Variants in IL23R observed in about 807,000 individuals in gnomAD.
The protein encoded by IL23R is interleukin 23 receptor.
A neutral mutation model predicts 56.9 loss-of-function variants in IL23R; 34 were observed. The observed-to-expected ratio is 0.60, with a 90% confidence interval of 0.45 to 0.80. The LOEUF is 0.80. IL23R is among the 30% of genes least tolerant of loss of function. The pLI is 0.00. For synonymous variants in IL23R, 230 were observed against 249.2 expected (o/e 0.92, Z 0.73); for missense variants, 635 against 730.0 (o/e 0.87, Z 1.50).
At chr1:67,175,804 A>C (rs1647000746) in intron 3 of IL23R, among the ~76,000 whole-genome samples, 1 of 152,280 alleles carries the variant, frequency 6.6e-6, no homozygotes, top group Non-Finnish European at 1.5e-5. Flanking sequence ...CATTCGCAAG[A>C]GCCAAAGGCA....
intron 10 of IL23R, 69 bp downstream of exon 10, chr1:67,255,996 T>C (rs1652926037): frequency 2.3e-6 from 2 of 867,432 alleles, no homozygotes; most frequent in East Asian, 2.5e-5. Context: ...ATAATTAGAA[T>C]AGAATTTCCA....
intron 3 of IL23R, among the ~76,000 whole-genome samples, chr1:67,172,169 T>C (rs1646952184): frequency 6.6e-6 from 1 of 152,126 alleles, no homozygotes; most frequent in Non-Finnish European, 1.5e-5. Flanking sequence ...AACTTCCTAT[T>C]TAAGTAGGTC....
At chr1:67,253,206 T>G (rs1187582708) in intron 9 of IL23R, among the ~76,000 whole-genome samples, 2 of 152,234 alleles carry the variant, frequency 1.3e-5, no homozygotes, top group African/African-American at 4.8e-5. Flanking sequence ...GTTTTAGCAT[T>G]CAGCCCCAAA....
At chr1:67,202,710 G>GACAGGCC (rs1016759269) in intron 5 of IL23R, among the ~76,000 whole-genome samples, 21 of 152,118 alleles carry the variant, frequency 1.4e-4, no homozygotes, top group African/African-American at 5.1e-4. Context: ...TAGCTGGGAC[G>GACAGGCC]ACAGGCCACA....
At chr1:67,221,157 C>T in intron 7 of IL23R, among the ~76,000 whole-genome samples, 1 of 152,072 alleles carries the variant, frequency 6.6e-6, no homozygotes, top group Non-Finnish European at 1.5e-5. Context: ...CCCATCTCTA[C>T]TGAAAATACA....
At chr1:67,231,016 G>A (rs1651067130) in intron 7 of IL23R, among the ~76,000 whole-genome samples, 1 of 152,064 alleles carries the variant, frequency 6.6e-6, no homozygotes, top group Non-Finnish European at 1.5e-5. Context: ...GAGGGAGGGT[G>A]GGGGCGAATC....
In IL23R at chr1:67,190,268, C is replaced by A. The variant is rs1293613779; in HGVS notation, c.491+7309C>A. 2.0e-5 allele frequency among the ~76,000 whole-genome samples: 3 copies of A among 152,136 alleles called. No homozygotes were observed. In the East Asian group the frequency reaches 5.8e-4, roughly 29 times the overall value. ...CAACATAGGTGCCATCACAGGCCTC[C>A]TCATGTTGGGGTGAAGTTGTAAAGT... On this transcript the variant is annotated intron_variant, in intron 4 of 10. Coordinates refer to ENST00000347310, the MANE Select transcript of IL23R (RefSeq NM_144701.3).
intron 7 of IL23R, among the ~76,000 whole-genome samples, chr1:67,232,954 G>GT (rs1651195839): frequency 6.6e-6 from 1 of 152,026 alleles, no homozygotes; most frequent in African/African-American, 2.4e-5. Context: ...CTGTTGTCAT[G>GT]TAAGACATGC....
intron 1 of IL23R, among the ~76,000 whole-genome samples, chr1:67,148,914 C>T (rs909246014): frequency 6.6e-6 from 1 of 152,004 alleles, no homozygotes; most frequent in Non-Finnish European, 1.5e-5. Flanking sequence ...TTCCTAAGAC[C>T]CACTATTCCA....
At chr1:67,184,028 G>A (rs985543092) in intron 4 of IL23R, among the ~76,000 whole-genome samples, 37 of 151,488 alleles carry the variant, frequency 2.4e-4, no homozygotes, top group African/African-American at 9.0e-4. Context: ...GAGGTCAGGA[G>A]TTCAAGATCA....
rs527840641 is a variant in IL23R, at chr1:67,210,815, C to T, written c.798+3760C>T. ...CAGTTATGTATCAGCTGTGAAATTA[C>T]CAGTTTTCAGCGCGTTAAATAAAGT... On this transcript the variant is annotated intron_variant, in intron 6 of 10. Coordinates refer to ENST00000347310, the MANE Select transcript of IL23R (RefSeq NM_144701.3). Among the ~76,000 whole-genome samples, 4 of 152,156 alleles carry T rather than the reference C, an allele frequency of 2.6e-5. No individual in the cohort carries two copies. The East Asian group carries it at 5.8e-4, about 22-fold the overall frequency.
intron 7 of IL23R, among the ~76,000 whole-genome samples, chr1:67,224,712 CA>C (rs754470603): frequency 9.2e-5 from 14 of 152,266 alleles, no homozygotes; most frequent in Non-Finnish European, 1.9e-4. Context: ...ATAGGACAAA[CA>C]AAGCCTTATA....
At chr1:67,260,803 G>A (rs540401824), downstream of IL23R, among the ~76,000 whole-genome samples, 5 of 152,070 alleles carry the variant, frequency 3.3e-5, no homozygotes, top group African/African-American at 4.8e-5. Context: ...AGGCTGAGGC[G>A]GAAGGAACAC....
upstream of IL23R, among the ~76,000 whole-genome samples, chr1:67,166,226 G>T (rs1646872251): frequency 6.6e-6 from 1 of 152,160 alleles, no homozygotes; most frequent in Non-Finnish European, 1.5e-5. Flanking sequence ...ACATGTATAA[G>T]TGTTCTGCCT....
chr1:67,169,450 A>G lies in IL23R; in HGVS notation c.179A>G (p.Gln60Arg). 2 of 1,613,982 alleles carry G rather than the reference A, an allele frequency of 1.2e-6. No individual in the cohort carries two copies. The highest frequency in any genetic ancestry group is 1.7e-6 in the Non-Finnish European group (2 of 1,179,838). ...IYCQAAIKNC[Q>R]PRKLHFYKNG... The stretch of plus-strand genomic sequence containing the variant: ...TGCCAAGCAGCAATTAAGAACTGCC[A>G]ACCAAGGAAACTTCATTTTTATAAA... Residue 60 changes from glutamine (Q) to arginine (R), a missense_variant, in exon 3 of 11, where the codon CAA becomes CGA. Transcript: ENST00000347310.
chr1:67,169,566 A>G lies in IL23R; in HGVS notation c.295A>G (p.Met99Val), dbSNP rs758835954. The G allele has an allele frequency of 3.7e-6, 6 of 1,614,054 alleles. No homozygotes were observed. Among genetic ancestry groups the G allele is most frequent in the Admixed American group, 1.7e-5 (1 of 60,028 alleles). Reference protein sequence around the residue: ...YKNFLEPHASMYCTAECPKHF... With the variant: ...YKNFLEPHASVYCTAECPKHF... ...AAACTTTCTGGAACCACATGCTTCT[A>G]TGTACTGCACTGCTGAATGTCCCAA... The change falls in exon 3 of 11, where the codon ATG becomes GTG. Residue 99 changes from methionine (M) to valine (V), a missense_variant. Met to Val is a conservative substitution (Grantham distance 21). Transcript: ENST00000347310.
upstream of IL23R, among the ~76,000 whole-genome samples, chr1:67,166,231 C>G (rs1646872337): frequency 6.6e-6 from 1 of 152,178 alleles, no homozygotes; most frequent in African/African-American, 2.4e-5. Context: ...TATAAGTGTT[C>G]TGCCTCTTGG....
intron 7 of IL23R, among the ~76,000 whole-genome samples, chr1:67,221,201 A>G (rs1650227045): frequency 6.6e-6 from 1 of 152,008 alleles, no homozygotes; most frequent in African/African-American, 2.4e-5. Context: ...CATGCCTGTA[A>G]TCCCAGCTAT....
At chr1:67,139,260 G>A (rs1286929878) in intron 1 of IL23R, 1 of 152,166 alleles carries the variant, frequency 6.6e-6, no homozygotes, top group Non-Finnish European at 1.5e-5. Context: ...CAAATGAAAG[G>A]AAACCATAAA....
Sources: allele counts gnomAD v4.1 joint callset (sites outside exome capture counted in the v4.1 genomes callset), GRCh38; gene constraint gnomAD v4.1.1; transcripts MANE v1.5; gene names NCBI Gene and HGNC (gene_info 2026-07-23, HGNC 2026-07-21).